The following PTPRD variants were observed in gnomAD, a reference collection of about 807,000 sequenced individuals.
The protein encoded by PTPRD is protein tyrosine phosphatase receptor type D.
A neutral mutation model predicts 214.5 loss-of-function variants in PTPRD; 34 were observed. The ratio of observed to expected loss-of-function variants is 0.16; its 90% confidence interval spans 0.12 to 0.21. The LOEUF (loss-of-function observed/expected upper bound fraction) is 0.21, where lower values mean the gene tolerates loss of function less well. PTPRD is among the 10% of genes least tolerant of loss of function. The probability of loss-of-function intolerance (pLI) is 1.00; values close to 1 mark genes in which losing one functional copy is unlikely to be tolerated. For missense variants in PTPRD, 2,545 were observed against 2,398.7 expected (o/e 1.06, Z -1.27); for synonymous variants, 1,128 against 845.7 (o/e 1.33, Z -5.79).
At chr9:9,362,390 A>G (rs1449805598) in intron 9 of PTPRD, among the ~76,000 whole-genome samples, 1 of 151,100 alleles carries the variant, frequency 6.6e-6, no homozygotes, top group East Asian at 1.9e-4. Context: ...AGGGAAAAAA[A>G]CAACATTTTA....
At chr9:8,782,452 C>T (rs2095755850) in intron 11 of PTPRD, among the ~76,000 whole-genome samples, 1 of 152,140 alleles carries the variant, frequency 6.6e-6, no homozygotes, top group Non-Finnish European at 1.5e-5. Context: ...CTTACTCCTC[C>T]TATCTAACTG....
intron 12 of PTPRD, among the ~76,000 whole-genome samples, chr9:8,688,544 G>A (rs1202647704): frequency 6.9e-5 from 10 of 144,168 alleles, no homozygotes; most frequent in South Asian, 2.2e-4. Flanking sequence ...CAGCCTGGGC[G>A]ATAGAGCGAG....
At chr9:8,915,869 C>T (rs996170710) in intron 11 of PTPRD, among the ~76,000 whole-genome samples, 1 of 152,108 alleles carries the variant, frequency 6.6e-6, no homozygotes, top group Non-Finnish European at 1.5e-5. Flanking sequence ...AGAGATTCAC[C>T]CTGAATAATG....
At chr9:10,212,221 A>G (rs2099520590) in intron 3 of PTPRD, among the ~76,000 whole-genome samples, 1 of 152,100 alleles carries the variant, frequency 6.6e-6, no homozygotes, top group Non-Finnish European at 1.5e-5. Context: ...ATGAATATAA[A>G]CATAATGTTT....
intron 2 of PTPRD, among the ~76,000 whole-genome samples, chr9:10,612,167 G>T (rs1591993964): frequency 7.2e-6 from 1 of 138,192 alleles, no homozygotes; most frequent in African/African-American, 2.7e-5. Context: ...CAGTAAGGCT[G>T]CCCATACTGA....
intron 3 of PTPRD, among the ~76,000 whole-genome samples, chr9:10,266,025 A>C (rs2094029620): frequency 6.6e-6 from 1 of 152,196 alleles, no homozygotes; most frequent in Non-Finnish European, 1.5e-5. Flanking sequence ...ACTTATATTA[A>C]CTAGAAAAAA....
At chr9:9,963,548 G>A (rs909051820) in intron 4 of PTPRD, among the ~76,000 whole-genome samples, 1 of 152,172 alleles carries the variant, frequency 6.6e-6, no homozygotes, top group African/African-American at 2.4e-5. Context: ...AGGAAATACA[G>A]TGGCAACGTC....
intron 3 of PTPRD, among the ~76,000 whole-genome samples, chr9:10,114,432 C>A (rs1305289615): frequency 6.6e-6 from 1 of 152,174 alleles, no homozygotes; most frequent in Non-Finnish European, 1.5e-5. Context: ...CGCTTACTAG[C>A]TAGACAGGAC....
intron 7 of PTPRD, among the ~76,000 whole-genome samples, chr9:9,588,191 T>C (rs1333472825): frequency 6.6e-6 from 1 of 151,702 alleles, no homozygotes; most frequent in Non-Finnish European, 1.5e-5. Context: ...ATTTTAACCA[T>C]AGGCAGCGAT....
At chr9:9,813,053 T>A (rs1048658052) in intron 5 of PTPRD, among the ~76,000 whole-genome samples, 1 of 151,974 alleles carries the variant, frequency 6.6e-6, no homozygotes, top group Non-Finnish European at 1.5e-5. Context: ...ACACTCTTAA[T>A]GCAATCAATG....
chr9:9,440,629 G>A (rs753575468), intron 8 of PTPRD, among the ~76,000 whole-genome samples: 7 of 152,180 alleles, frequency 4.6e-5, no homozygotes, highest in Non-Finnish European at 1.0e-4. Context: ...TCTATTTACC[G>A]ATGGTAGACA....
chr9:8,608,843 T>G (rs1407910843), intron 14 of PTPRD, among the ~76,000 whole-genome samples: 1 of 152,212 alleles, frequency 6.6e-6, no homozygotes, highest in Non-Finnish European at 1.5e-5. Flanking sequence ...TCGGGCCATA[T>G]GTACTTTATC....
At chr9:8,554,798 C>A (rs902843177) in intron 14 of PTPRD, among the ~76,000 whole-genome samples, 1 of 152,168 alleles carries the variant, frequency 6.6e-6, no homozygotes, top group Admixed American at 6.5e-5. Flanking sequence ...AAGCAGCACA[C>A]AGAAGCCTGC....
chr9:8,767,708 T>A (rs1773333391), intron 11 of PTPRD, among the ~76,000 whole-genome samples: 1 of 152,188 alleles, frequency 6.6e-6, no homozygotes, highest in Admixed American at 6.5e-5. Flanking sequence ...TTTGTTTTTT[T>A]AATTCGGATG....
At chr9:9,057,335 G>T (rs1048039555) in intron 10 of PTPRD, among the ~76,000 whole-genome samples, 1 of 151,946 alleles carries the variant, frequency 6.6e-6, no homozygotes, top group Non-Finnish European at 1.5e-5. Flanking sequence ...GAGCTGAAAG[G>T]GGCCTTGGAG....
At chr9:10,523,622 T>TATATATATATATATAC (rs554367559) in intron 2 of PTPRD, among the ~76,000 whole-genome samples, 4 of 131,384 alleles carry the variant, frequency 3.0e-5, no homozygotes, top group Non-Finnish European at 6.5e-5. Context: ...TATATATATA[T>TATATATATATATATAC]AGACAGAAAG....
At chr9:8,611,731 G>T (rs893342131) in intron 14 of PTPRD, among the ~76,000 whole-genome samples, 4 of 116,266 alleles carry the variant, frequency 3.4e-5, no homozygotes, top group African/African-American at 1.2e-4. Flanking sequence ...AAAGACAAAA[G>T]AAAAAAGAAA....
intron 9 of PTPRD, among the ~76,000 whole-genome samples, chr9:9,378,651 C>T (rs1393665855): frequency 1.3e-5 from 2 of 152,130 alleles, no homozygotes; most frequent in Non-Finnish European, 1.5e-5. Context: ...CAGAATTCCT[C>T]TTGTCCCATA....
chr9:9,822,611 G>A (rs2051185449), intron 5 of PTPRD, among the ~76,000 whole-genome samples: 1 of 150,678 alleles, frequency 6.6e-6, no homozygotes, highest in Admixed American at 6.7e-5. Flanking sequence ...TATTTGTAAT[G>A]TTATTTTTTA....
Sources: gnomAD v4.1 joint callset for allele counts (sites outside exome capture counted in the v4.1 genomes callset) on GRCh38, gnomAD v4.1.1 for gene constraint, MANE v1.5 for transcripts, NCBI Gene and HGNC (gene_info 2026-07-23, HGNC 2026-07-21) for gene names.